PBRM1: variants seen among roughly 807,000 people sequenced by gnomAD.
PBRM1 encodes the protein protein polybromo-1.
PBRM1 carries 27 observed loss-of-function variants against 194.5 expected under a neutral mutation model. The observed-to-expected ratio is 0.14, with a 90% CI of 0.10 to 0.19. The LOEUF (loss-of-function observed/expected upper bound fraction) is 0.19, where lower values mean the gene tolerates loss of function less well. Among genes scored for constraint, PBRM1 ranks in the 10% least tolerant of loss-of-function variants. The probability of loss-of-function intolerance (pLI) is 1.00; values close to 1 mark genes in which losing one functional copy is unlikely to be tolerated. For missense variants in PBRM1, 1,466 were observed against 2,077.2 expected (o/e 0.71, Z 5.72); for synonymous variants, 655 against 693.2 (o/e 0.94, Z 0.87).
intron 2 of PBRM1, among the ~76,000 whole-genome samples, chr3:52,672,479 G>GT (rs1201594534): frequency 1.5e-4 from 21 of 138,416 alleles, no homozygotes; most frequent in Admixed American, 2.2e-4. Flanking sequence ...ATTTCCAGAG[G>GT]TTTTTTTTTG....
intron 14 of PBRM1, among the ~76,000 whole-genome samples, chr3:52,616,450 T>C (rs777498583): frequency 2.6e-5 from 4 of 152,036 alleles, no homozygotes; most frequent in Non-Finnish European, 5.9e-5. Flanking sequence ...TCCCAGAACT[T>C]TGGGAGGCTG....
At position 52,615,337 on chromosome 3, in the gene PBRM1, TG is replaced by T. The variant is rs2094899905; in HGVS notation, c.1924+13del. 2 of 1,413,658 alleles carry T rather than the reference TG, an allele frequency of 1.4e-6. No homozygotes were observed. Among genetic ancestry groups the T allele is most frequent in the East Asian group, 4.6e-5 (2 of 43,938 alleles). 87.6% of individuals were successfully genotyped at this position (1,413,658 alleles called of 1,614,324 possible). ...ATAGACTAAACTAAATAATGAAGTGTGAGGCTGCCTTACTCAGCTTGAGTTT... is the reference window on the plus strand; with the variant it reads ...ATAGACTAAACTAAATAATGAAGTGTAGGCTGCCTTACTCAGCTTGAGTTT... On this transcript the variant is annotated intron_variant, in intron 15 of 29. Coordinates refer to ENST00000296302, the Ensembl canonical transcript of PBRM1.
At chr3:52,567,587 A>G (rs1270623345) in intron 22 of PBRM1, among the ~76,000 whole-genome samples, 1 of 150,712 alleles carries the variant, frequency 6.6e-6, no homozygotes, top group Admixed American at 6.6e-5. Context: ...AAAAAGAAAA[A>G]AGAAAAAAAG....
exon 12 of PBRM1, chr3:52,628,915 T>C (rs762804468): frequency 1.2e-6 from 2 of 1,613,852 alleles, no homozygotes; most frequent in Admixed American, 1.7e-5. Context: ...GCTGCAATTT[T>C]AGAACTCGCT....
chr3:52,665,762 G>A (rs2096821834), intron 3 of PBRM1, among the ~76,000 whole-genome samples: 1 of 152,148 alleles, frequency 6.6e-6, no homozygotes, highest in Non-Finnish European at 1.5e-5. Flanking sequence ...TGCTGTCCAT[G>A]GAAGAATTGT....
In PBRM1 at chr3:52,609,355, T is replaced by C. The variant is rs1412936146; in HGVS notation, c.2525A>G (p.Glu842Gly). The C allele has an allele frequency of 1.9e-6, 3 of 1,613,864 alleles. No individual in the cohort carries two copies. The highest frequency in any genetic ancestry group is 2.5e-6 in the Non-Finnish European group (3 of 1,179,744). The stretch of plus-strand genomic sequence containing the variant: ...TCGTTCCAATACTTCAAACATATGC[T>C]CTTGAAATAAATCAAGCCGACGGTA... The change falls in exon 16 of 30, where the codon GAG becomes GGG. Residue 842 changes from glutamate to glycine, a missense_variant. Physicochemically the swap from Glu to Gly is moderately conservative, Grantham distance 98 (BLOSUM62 -2). This residue lies in a region of PBRM1 where 687 missense variants were observed against 946.2 expected (regional missense o/e 0.73). Transcript: ENST00000296302. This position sits in a 1 kb window ranked among gnomAD's most constrained non-coding sequence, Gnocchi z 4.1.
chr3:52,603,157 G>A (rs1032077597), intron 17 of PBRM1, among the ~76,000 whole-genome samples: 1 of 152,196 alleles, frequency 6.6e-6, no homozygotes, highest in African/African-American at 2.4e-5. Flanking sequence ...CAATGCTACT[G>A]CATGATGTGG....
At chr3:52,666,160 A>G (rs2096829908) in intron 3 of PBRM1, among the ~76,000 whole-genome samples, 1 of 152,228 alleles carries the variant, frequency 6.6e-6, no homozygotes, top group Non-Finnish European at 1.5e-5. Context: ...GTGTACCTGC[A>G]GTCCTAGCTA....
chr3:52,625,506 G>A (rs554673512), intron 13 of PBRM1, among the ~76,000 whole-genome samples: 1 of 151,026 alleles, frequency 6.6e-6, no homozygotes, highest in Non-Finnish European at 1.5e-5. Flanking sequence ...ACACTTCCTA[G>A]GAAACCTGTT....
At chr3:52,641,446 C>CAAAAAAAAAAAAAAAAAAAAA (rs386396638) in intron 10 of PBRM1, among the ~76,000 whole-genome samples, 5 of 69,934 alleles carry the variant, frequency 7.1e-5, no homozygotes, top group Admixed American at 1.8e-4. Context: ...GACTCCATCT[C>CAAAAAAAAAAAAAAAAAAAAA]AAAAAAAAAA....
chr3:52,580,755 C>T (rs1239832509), intron 20 of PBRM1, among the ~76,000 whole-genome samples: 2 of 152,136 alleles, frequency 1.3e-5, no homozygotes, highest in Non-Finnish European at 2.9e-5. Context: ...GCCTTAGTTT[C>T]CTCATTTGTG....
rs562962955 is a variant in PBRM1, at chr3:52,634,511, T to C, written c.1301+91A>G. The C allele has an allele frequency of 7.4e-6, 6 of 810,194 alleles. No homozygotes were observed. The East Asian group carries it at 1.5e-4, about 20-fold the overall frequency. The allele number at this position is 810,194 out of a possible 1,614,324, so 50.2% of individuals were successfully genotyped here. On this transcript the variant is annotated intron_variant, in intron 11 of 29. Coordinates refer to ENST00000296302, the Ensembl canonical transcript of PBRM1. ...AAAAAAACACCATTTTTACCTTTAA[T>C]ATCCTTATCCATTTTAGGAAGAAAT...
At chr3:52,563,288 G>A (rs1220205958) in exon 24 of PBRM1, 1 of 1,612,332 alleles carries the variant, frequency 6.2e-7, no homozygotes, top group Admixed American at 1.7e-5. Flanking sequence ...TTCACCTGTG[G>A]GGGTGTGTAG....
intron 20 of PBRM1, among the ~76,000 whole-genome samples, chr3:52,580,490 C>T (rs1374360596): frequency 6.6e-6 from 1 of 152,034 alleles, no homozygotes; most frequent in East Asian, 1.9e-4. Flanking sequence ...TCTGGAGTAG[C>T]TGGGACTACA....
At chr3:52,548,305 T>G in intron 29 of PBRM1, 70 bp from the exon 32 acceptor site, 1 of 1,102,756 alleles carries the variant, frequency 9.1e-7, no homozygotes, top group Non-Finnish European at 1.3e-6. Flanking sequence ...AGTTCTAAGG[T>G]CTGACGAACT....
chr3:52,572,795 C>T (rs979206765), intron 22 of PBRM1, among the ~76,000 whole-genome samples: 3 of 152,160 alleles, frequency 2.0e-5, no homozygotes, highest in African/African-American at 7.2e-5. Context: ...TGATACACCT[C>T]ATCTAATTAT....
chr3:52,586,494 T>C (rs2153766758), exon 20 of PBRM1: 1 of 1,614,016 alleles, frequency 6.2e-7, no homozygotes, highest in Non-Finnish European at 8.5e-7. Context: ...CATCATCACC[T>C]TTATCTGCAT....
rs1436687424 is a variant in PBRM1 at position 52,589,262 on chromosome 3, T to TA, written c.2780-8dup. 18 of 1,505,890 alleles carry TA rather than the reference T, an allele frequency of 1.2e-5. No individual in the cohort carries two copies. The highest frequency in any genetic ancestry group is 1.8e-4 in the Middle Eastern group (1 of 5,576). 93.3% of individuals were successfully genotyped at this position (1,505,890 alleles called of 1,614,324 possible). On this transcript the variant is annotated splice_region_variant and splice_polypyrimidine_tract_variant and intron_variant, in intron 17 of 29. Coordinates refer to ENST00000296302, the Ensembl canonical transcript of PBRM1. ...TCTTCACTCTTTTCAGCTTCTTAGG[T>TA]AAAAAAATAAATAAATAAAGGAAAA...
At position 52,563,520 on chromosome 3, in the gene PBRM1, A is replaced by C. The variant is rs754257954; in HGVS notation, c.3876-27T>G. The C allele has an allele frequency of 1.9e-5, 29 of 1,517,450 alleles. 1 individual carries two copies. The South Asian group carries it at 2.9e-4, about 15-fold the overall frequency. 94.0% of individuals were successfully genotyped at this position (1,517,450 alleles called of 1,614,324 possible). On this transcript the variant is annotated intron_variant, in intron 23 of 29. Coordinates refer to ENST00000296302, the Ensembl canonical transcript of PBRM1. ...TGAAAAAAGTGACATAAAAAACCTA[A>C]AATCACCTAATGCCCCTCCAGAATA...
Sources: allele counts gnomAD v4.1 joint callset (sites outside exome capture counted in the v4.1 genomes callset), GRCh38; gene constraint gnomAD v4.1.1; regional missense constraint gnomAD v4.1.1; non-coding constraint Gnocchi (gnomAD v3.1); transcripts MANE v1.5; gene names NCBI Gene and HGNC (gene_info 2026-07-23, HGNC 2026-07-21).